SMC4: variants seen among roughly 807,000 people sequenced by gnomAD.
The protein encoded by SMC4 is structural maintenance of chromosomes 4.
In SMC4, 87 loss-of-function variants were observed where a neutral mutation model predicts 145.6. The observed-to-expected ratio is 0.60, with a 90% CI of 0.50 to 0.71. The LOEUF (loss-of-function observed/expected upper bound fraction) is 0.71, where lower values mean the gene tolerates loss of function less well. Ranked by LOEUF, SMC4 falls within the 30% of genes least tolerant of loss-of-function variation. The pLI is 0.00. For missense variants in SMC4, 1,447 were observed against 1,537.1 expected, an observed-to-expected ratio of 0.94 and a Z score of 0.98; for synonymous variants, 558 against 500.7, an observed-to-expected ratio of 1.11 and a Z score of -1.53.
chr3:160,411,793 C>T (rs926797631), intron 5 of SMC4, 127 bp from the exon 6 acceptor site: 1 of 653,966 alleles, frequency 1.5e-6, no homozygotes, highest in Non-Finnish European at 2.5e-6. Context: ...AATCATTGCA[C>T]TACTAACTGT....
chr3:160,431,603 A>G (rs1490792574), intron 20 of SMC4, 40 bp from the exon 21 acceptor site: 1 of 1,429,250 alleles, frequency 7.0e-7, no homozygotes. Flanking sequence ...TGTATGTAAT[A>G]TTATGCCTTC....
Position 160,434,180 on chromosome 3 carries a change from T to TG in SMC4, c.*373dup. 1 of 168,516 alleles carries TG rather than the reference T, an allele frequency of 5.9e-6. No homozygotes were observed. The highest frequency in any genetic ancestry group is 1.9e-4 in the East Asian group (1 of 5,376). The allele number at this position is 168,516 out of a possible 1,614,324, so 10.4% of individuals were successfully genotyped here. A position where few individuals can be genotyped will look rare whatever the true frequency, so the allele number is the denominator to read the frequency against. ...ACTGGAAATGCCTGCCAACTAATCT[T>TG]GGATAGATTCTTTAAGGCATTCCAC... On this transcript the variant is annotated 3_prime_UTR_variant, in exon 24 of 24. Transcript: ENST00000357388.
chr3:160,418,731 ATAATT>A (rs1386663904), intron 11 of SMC4, among the ~76,000 whole-genome samples: 1 of 152,100 alleles, frequency 6.6e-6, no homozygotes, highest in African/African-American at 2.4e-5. Context: ...AGTAATAGAC[ATAATT>A]TAAATCTAGT....
intron 15 of SMC4, 39 bp from the exon 16 acceptor site, chr3:160,424,828 T>C (rs1431912233): frequency 6.2e-7 from 1 of 1,608,968 alleles, no homozygotes. Flanking sequence ...GACTTTTCTG[T>C]CAATCTGAAA....
intron 13 of SMC4, among the ~76,000 whole-genome samples, chr3:160,421,269 T>C (rs1469002831): frequency 6.6e-6 from 1 of 152,164 alleles, no homozygotes; most frequent in Admixed American, 6.5e-5. Context: ...TTTTTCTTTT[T>C]GGATTCAGGC....
At chr3:160,404,214 A>G in intron 4 of SMC4, 114 bp from the exon 5 acceptor site, 4 of 890,100 alleles carry the variant, frequency 4.5e-6, no homozygotes, top group African/African-American at 3.5e-5. Context: ...GTGCATGTTC[A>G]ATTGAAGTTT....
At chr3:160,422,016 C>G (rs769411303) in intron 13 of SMC4, among the ~76,000 whole-genome samples, 2 of 152,172 alleles carry the variant, frequency 1.3e-5, no homozygotes, top group Non-Finnish European at 2.9e-5. Context: ...TTTTCAGGTT[C>G]ATCTATGTTG....
At chr3:160,401,285 A>G (rs1257535829) in intron 2 of SMC4, among the ~76,000 whole-genome samples, 2 of 152,158 alleles carry the variant, frequency 1.3e-5, no homozygotes, top group African/African-American at 2.4e-5. Context: ...GAGACGGTCA[A>G]TCAAGAGAGC....
chr3:160,402,766 A>G lies in SMC4; in HGVS notation c.409A>G (p.Ile137Val). 6.2e-7 allele frequency: 1 copy of G among 1,612,664 alleles called. No individual in the cohort carries two copies. Among genetic ancestry groups the G allele is most frequent in the Non-Finnish European group, 8.5e-7 (1 of 1,179,728 alleles). ...LFVFGYRAQK[I>V]RSKKLSVLIH... Reference sequence around the variant, plus strand: ...TGTGTTTGGCTATCGAGCACAAAAAATAAGATCTAAAAAACTCTCAGTATT... The same window carrying G: ...TGTGTTTGGCTATCGAGCACAAAAAGTAAGATCTAAAAAACTCTCAGTATT... The change falls in exon 4 of 24, where the codon ATA becomes GTA. Residue 137 changes from isoleucine (I) to valine (V), a missense_variant. Coordinates refer to ENST00000357388, the MANE Select transcript of SMC4 (RefSeq NM_001002800.3).
rs567059357 is a variant in SMC4, at chr3:160,431,022, C to T, written c.2941-10C>T. The T allele has an allele frequency of 1.4e-4, 217 of 1,586,772 alleles. No homozygotes were observed. The highest frequency in any genetic ancestry group is 1.7e-4 in the Non-Finnish European group (204 of 1,172,004). On this transcript the variant is annotated splice_polypyrimidine_tract_variant and intron_variant, in intron 19 of 23. Transcript: ENST00000357388. ...GAAAATTCTATCTAGCAGTTCTTTT[C>T]GGTGTTTAGGAATCCTTACCAGAGA...
chr3:160,430,735 G>A lies in SMC4; in HGVS notation c.2932G>A (p.Ala978Thr). 1 of 1,610,272 alleles carries A rather than the reference G, an allele frequency of 6.2e-7. No individual in the cohort carries two copies. Among genetic ancestry groups the A allele is most frequent in the South Asian group, 1.1e-5 (1 of 90,288 alleles). The change falls in exon 19 of 24, where the codon GCT becomes ACT. Residue 978 changes from alanine to threonine, a missense_variant. Physicochemically the swap from Ala to Thr is moderately conservative, Grantham distance 58 (BLOSUM62 0). Transcript: ENST00000357388. ...KAAEVVKNTNAAEESLPEIQK... is the reference protein window; with the variant it reads ...KAAEVVKNTNTAEESLPEIQK... ...AGCAGAGGTCGTAAAGAATACAAATGCTGCAGAGGTATGAGTTGCTTTGTA... is the reference window on the plus strand; with the variant it reads ...AGCAGAGGTCGTAAAGAATACAAATACTGCAGAGGTATGAGTTGCTTTGTA...
In SMC4 at chr3:160,402,685, T is replaced by A; in HGVS notation, c.328T>A (p.Cys110Ser). Residue 110 changes from cysteine to serine, a missense_variant, in exon 4 of 24, where the codon TGT becomes AGT. Physicochemically the swap from Cys to Ser is moderately radical, Grantham distance 112. Coordinates refer to ENST00000357388, the MANE Select transcript of SMC4 (RefSeq NM_001002800.3). Reference sequence around the variant, plus strand: ...TGTTTTTTTAATGCAGCGCTTTTCCTGTATTATCGGGCCAAATGGCAGTGG... The same window carrying A: ...TGTTTTTTTAATGCAGCGCTTTTCCAGTATTATCGGGCCAAATGGCAGTGG... ...ILGPFHKRFS[C>S]IIGPNGSGKS... 1 of 1,607,120 alleles carries A rather than the reference T, an allele frequency of 6.2e-7. No individual in the cohort carries two copies. The highest frequency in any genetic ancestry group is 1.1e-5 in the South Asian group (1 of 89,094).
chr3:160,432,566 T>C (rs1211252012), intron 22 of SMC4, 51 bp downstream of exon 22: 3 of 1,151,432 alleles, frequency 2.6e-6, no homozygotes, highest in Non-Finnish European at 3.7e-6. Flanking sequence ...TTTCTACATA[T>C]TCTCCAAACT....
At chr3:160,400,327 G>T (rs1173183988) in intron 1 of SMC4, 1 of 152,462 alleles carries the variant, frequency 6.6e-6, no homozygotes, top group Non-Finnish European at 1.5e-5. Context: ...ACGAAAGCGG[G>T]CGGCGAGTCG....
At position 160,428,883 on chromosome 3, in the gene SMC4, A is replaced by G. The variant is rs17289278; in HGVS notation, c.2736A>G (p.Gln912=). ...QQDKLDKINK[Q]LDECASAITK... is the part of the protein sequence containing the mutation. ...ACAAACTTGATAAAATAAATAAGCAATTAGATGAATGTGCTTCTGCTATTA... is the reference window on the plus strand; with the variant it reads ...ACAAACTTGATAAAATAAATAAGCAGTTAGATGAATGTGCTTCTGCTATTA... Residue 912 remains glutamine, a synonymous_variant, in exon 18 of 24, where the codon CAA becomes CAG. Coordinates refer to ENST00000357388, the MANE Select transcript of SMC4 (RefSeq NM_001002800.3). 3.2e-4 allele frequency: 517 copies of G among 1,604,426 alleles called. 2 individuals are homozygous for G. In the East Asian group the frequency reaches 8.8e-3, roughly 27 times the overall value.
rs749169390 is a variant in SMC4, at chr3:160,426,147, C to T, written c.2552C>T (p.Pro851Leu). 1.9e-6 allele frequency: 3 copies of T among 1,609,444 alleles called. No homozygotes were observed. In the South Asian group the frequency reaches 3.3e-5, roughly 18 times the overall value. The change falls in exon 17 of 24, where the codon CCT becomes CTT. Residue 851 changes from proline (P) to leucine (L), a missense_variant. Transcript: ENST00000357388. ...GAAGCTAATGTACTTGCTACAGCCC[C>T]TGACAAAAAAAAGCAGAAATTGCTA... Reference protein sequence around the residue: ...ELEANVLATAPDKKKQKLLEE... With the variant: ...ELEANVLATALDKKKQKLLEE...
intron 1 of SMC4, 134 bp from the exon 2 acceptor site, chr3:160,400,680 TCCCTTCCC>T: frequency 9.2e-7 from 1 of 1,082,408 alleles, no homozygotes; most frequent in Non-Finnish European, 1.2e-6. Context: ...TTTCGATGGC[TCCCTTCCC>T]GAAGTCCCGC....
Position 160,431,100 on chromosome 3 carries a change from T to C in SMC4, c.3009T>C (p.Asn1003=), listed in dbSNP as rs1038175028. 1 of 1,608,400 alleles carries C rather than the reference T, an allele frequency of 6.2e-7. No individual in the cohort carries two copies. Among genetic ancestry groups the C allele is most frequent in the African/African-American group, 1.3e-5 (1 of 74,564 alleles). The change falls in exon 20 of 24, where the codon AAT becomes AAC. Residue 1003 remains asparagine (N), a synonymous_variant. Transcript: ENST00000357388. ...AAGAATTAAAAGTTATTCAAGAAAA[T>C]GAACATGCTCTTCAAAAAGATGCAC... ...LLQELKVIQE[N]EHALQKDALS...
rs1401460993 is a variant in SMC4, at chr3:160,404,451, C to T, written c.634C>T (p.Leu212Phe). The change falls in exon 5 of 24, where the codon CTT becomes TTT. Residue 212 changes from leucine to phenylalanine, a missense_variant. Transcript: ENST00000357388. ...AAAGACATTTAAGGATGTTGGAAAT[C>T]TTCTTCGAAGCCATGGAATTGACTT... is the stretch of plus-strand genomic sequence containing the variant. ...KKKTFKDVGNLLRSHGIDLDH... is the reference protein window; with the variant it reads ...KKKTFKDVGNFLRSHGIDLDH... 1 of 1,610,934 alleles carries T rather than the reference C, an allele frequency of 6.2e-7. No homozygotes were observed. Among genetic ancestry groups the T allele is most frequent in the Admixed American group, 1.7e-5 (1 of 59,322 alleles).
Sources: gnomAD v4.1 joint callset for allele counts (sites outside exome capture counted in the v4.1 genomes callset) on GRCh38, gnomAD v4.1.1 for gene constraint, MANE v1.5 for transcripts, NCBI Gene and HGNC (gene_info 2026-07-23, HGNC 2026-07-21) for gene names.